EBF1: variants seen among roughly 807,000 people sequenced by gnomAD.
EBF1 encodes the protein transcription factor COE1.
A neutral mutation model predicts 68.4 loss-of-function variants in EBF1; 10 were observed. That is an observed-to-expected ratio of 0.15 (90% confidence interval 0.09 to 0.25). EBF1 has a LOEUF of 0.25. EBF1 is among the 10% of genes least tolerant of loss of function. The probability of loss-of-function intolerance (pLI) is 1.00; values close to 1 mark genes in which losing one functional copy is unlikely to be tolerated. For synonymous variants in EBF1, 298 were observed against 299.8 expected (o/e 0.99, Z 0.06); for missense variants, 509 against 794.4 (o/e 0.64, Z 4.32).
intron 10 of EBF1, among the ~76,000 whole-genome samples, chr5:158,773,058 C>T (rs756586340): frequency 2.0e-5 from 3 of 151,574 alleles, no homozygotes; most frequent in Admixed American, 6.6e-5. Context: ...AATCAGTATG[C>T]GAGGTACTAT....
intron 10 of EBF1, among the ~76,000 whole-genome samples, chr5:158,764,834 A>T (rs1772304800): frequency 6.6e-6 from 1 of 152,170 alleles, no homozygotes; most frequent in African/African-American, 2.4e-5. Flanking sequence ...TAGTTGGAGG[A>T]TACAGATCTG....
rs909081940 is a variant in EBF1, at chr5:158,721,115, A to G, written c.1126-6933T>C. 2.0e-5 allele frequency among the ~76,000 whole-genome samples: 3 copies of G among 152,314 alleles called. 1 individual carries two copies. The East Asian group carries it at 5.8e-4, about 29-fold the overall frequency. Reference sequence around the variant, plus strand: ...CAAGGCACCAAAAACATTCTAGTCTAGAGAAAATGCAGCAGGAGGACCTCT... The same window carrying G: ...CAAGGCACCAAAAACATTCTAGTCTGGAGAAAATGCAGCAGGAGGACCTCT... On this transcript the variant is annotated intron_variant, in intron 11 of 15. Transcript: ENST00000313708.
At chr5:158,876,497 G>A (rs934425546) in intron 6 of EBF1, among the ~76,000 whole-genome samples, 1 of 152,002 alleles carries the variant, frequency 6.6e-6, no homozygotes, top group South Asian at 2.1e-4. Context: ...TGATGTTTTC[G>A]GTCTCACTGA....
chr5:158,697,896 G>C lies in EBF1; in HGVS notation c.*1215C>G, dbSNP rs547822947. ...TTTAAGAACACTTCCCAGATAATGA[G>C]AGCAAAAATTCCCATAGAACAGAAA... On this transcript the variant is annotated 3_prime_UTR_variant, in exon 16 of 16. Coordinates refer to ENST00000313708, the MANE Select transcript of EBF1 (RefSeq NM_024007.5). The C allele has an allele frequency of 4.8e-6, 1 of 207,918 alleles. No homozygotes were observed. The highest frequency in any genetic ancestry group is 2.3e-5 in the African/African-American group (1 of 43,896). 12.9% of individuals were successfully genotyped at this position (207,918 alleles called of 1,614,324 possible).
intron 5 of EBF1, among the ~76,000 whole-genome samples, chr5:159,075,461 A>G (rs1249387847): frequency 6.6e-6 from 1 of 152,230 alleles, no homozygotes; most frequent in African/African-American, 2.4e-5. Context: ...AACAGCAAGT[A>G]GGCAATGCAA....
At chr5:158,994,073 T>C (rs1760916780) in intron 6 of EBF1, among the ~76,000 whole-genome samples, 1 of 152,196 alleles carries the variant, frequency 6.6e-6, no homozygotes, top group South Asian at 2.1e-4. Context: ...CTATGCTGGT[T>C]CCTGCACCTC....
chr5:158,757,946 A>C (rs1039634354), intron 10 of EBF1, among the ~76,000 whole-genome samples: 1 of 152,160 alleles, frequency 6.6e-6, no homozygotes, highest in African/African-American at 2.4e-5. Flanking sequence ...CTGGAAATAC[A>C]CTTGTAAACC....
intron 6 of EBF1, among the ~76,000 whole-genome samples, chr5:158,990,918 C>G (rs1760177413): frequency 6.6e-6 from 1 of 152,174 alleles, no homozygotes; most frequent in African/African-American, 2.4e-5. Flanking sequence ...TCTCAGCACC[C>G]ATGGGCCAAT....
chr5:158,827,895 T>C (rs1040000583), intron 7 of EBF1, among the ~76,000 whole-genome samples: 6 of 152,172 alleles, frequency 3.9e-5, no homozygotes, highest in African/African-American at 1.4e-4. Context: ...AAATTTAGAA[T>C]ATTGTGACAG....
At chr5:158,946,827 A>T (rs1814841039) in intron 6 of EBF1, among the ~76,000 whole-genome samples, 1 of 152,154 alleles carries the variant, frequency 6.6e-6, no homozygotes, top group African/African-American at 2.4e-5. Flanking sequence ...GGGAGATGGA[A>T]GTTTTATCTA....
chr5:159,067,158 C>T (rs1331795388), intron 6 of EBF1, among the ~76,000 whole-genome samples: 1 of 152,064 alleles, frequency 6.6e-6, no homozygotes, highest in African/African-American at 2.4e-5. Context: ...GAGTTTTTCC[C>T]CCCATTCTAA....
intron 7 of EBF1, among the ~76,000 whole-genome samples, chr5:158,837,579 C>G (rs1308552644): frequency 6.6e-6 from 1 of 152,150 alleles, no homozygotes; most frequent in Non-Finnish European, 1.5e-5. Context: ...TTCTACTAAA[C>G]AAAGAATAAC....
chr5:158,840,914 G>A (rs994096771), intron 6 of EBF1, among the ~76,000 whole-genome samples: 8 of 151,516 alleles, frequency 5.3e-5, no homozygotes, highest in East Asian at 1.9e-4. Flanking sequence ...CTCGTGATCC[G>A]CCCGCCTCGG....
intron 6 of EBF1, among the ~76,000 whole-genome samples, chr5:158,974,141 T>C (rs1488906154): frequency 1.3e-5 from 2 of 152,226 alleles, no homozygotes; most frequent in African/African-American, 4.8e-5. Context: ...ATACAGTCAG[T>C]ACGTTTGAAT....
intron 6 of EBF1, among the ~76,000 whole-genome samples, chr5:158,869,163 C>T (rs535283684): frequency 1.1e-3 from 163 of 152,180 alleles, no homozygotes; most frequent in African/African-American, 3.8e-3. Flanking sequence ...CTCTGGCCGC[C>T]GTATGGAAGA....
At chr5:159,058,536 G>A (rs1270147656) in intron 6 of EBF1, among the ~76,000 whole-genome samples, 2 of 152,182 alleles carry the variant, frequency 1.3e-5, no homozygotes, top group Non-Finnish European at 2.9e-5. Flanking sequence ...TGACAAAGTT[G>A]TGTGTGGGAG....
At chr5:158,906,566 C>T (rs1025806369) in intron 6 of EBF1, among the ~76,000 whole-genome samples, 5 of 152,150 alleles carry the variant, frequency 3.3e-5, no homozygotes, top group African/African-American at 7.2e-5. Context: ...ATACTCACCA[C>T]GAAGCAGAGG....
At position 158,699,045 on chromosome 5, in the gene EBF1, G is replaced by T; in HGVS notation, c.*66C>A. 1 of 1,454,832 alleles carries T rather than the reference G, an allele frequency of 6.9e-7. No homozygotes were observed. The highest frequency in any genetic ancestry group is 9.3e-7 in the Non-Finnish European group (1 of 1,076,512). 90.1% of individuals were successfully genotyped at this position (1,454,832 alleles called of 1,614,324 possible). A position where few individuals can be genotyped will look rare whatever the true frequency, so the allele number is the denominator to read the frequency against. On this transcript the variant is annotated 3_prime_UTR_variant, in exon 16 of 16. Transcript: ENST00000313708. ...AGTTAAAAGTTCCACTCTGGGACTTGTATCAGATTACTCTCTGTAGCAGAA... is the reference window on the plus strand; with the variant it reads ...AGTTAAAAGTTCCACTCTGGGACTTTTATCAGATTACTCTCTGTAGCAGAA...
intron 15 of EBF1, among the ~76,000 whole-genome samples, chr5:158,700,853 AC>A (rs1308533030): frequency 6.6e-6 from 1 of 152,128 alleles, no homozygotes; most frequent in African/African-American, 2.4e-5. Flanking sequence ...TTTCTTAGAA[AC>A]AGGAAGTTGT....
Sources: allele counts gnomAD v4.1 joint callset (sites outside exome capture counted in the v4.1 genomes callset), GRCh38; gene constraint gnomAD v4.1.1; transcripts MANE v1.5; gene names NCBI Gene and HGNC (gene_info 2026-07-23, HGNC 2026-07-21).